PLCB4: variants seen among roughly 807,000 people sequenced by gnomAD.
The protein encoded by PLCB4 is phospholipase C beta 4.
In PLCB4, 77 loss-of-function variants were observed where a neutral mutation model predicts 178.8. The observed-to-expected ratio is 0.43, with a 90% CI of 0.36 to 0.52. The LOEUF (loss-of-function observed/expected upper bound fraction) is 0.52, where lower values mean the gene tolerates loss of function less well. PLCB4 is among the 20% of genes least tolerant of loss of function. The probability of loss-of-function intolerance (pLI) is 0.00; values close to 1 mark genes in which losing one functional copy is unlikely to be tolerated. For synonymous variants in PLCB4, 496 were observed against 490.8 expected, an observed-to-expected ratio of 1.01 and a Z score of -0.14; for missense variants, 1,024 against 1,453.4, an observed-to-expected ratio of 0.70 and a Z score of 4.80.
chr20:9,472,955 C>T, intron 37 of PLCB4, 108 bp downstream of exon 37: 5 of 639,446 alleles, frequency 7.8e-6, no homozygotes, highest in South Asian at 4.4e-5. Flanking sequence ...TTTTTCTGTA[C>T]ATTAAACATT....
intron 30 of PLCB4, among the ~76,000 whole-genome samples, chr20:9,441,328 G>C (rs1245573836): frequency 6.6e-6 from 1 of 152,152 alleles, no homozygotes; most frequent in Non-Finnish European, 1.5e-5. Flanking sequence ...CCTCTCCATG[G>C]ATTGGGGTGG....
chr20:9,305,962 G>A (rs1360293833), intron 3 of PLCB4, among the ~76,000 whole-genome samples: 5 of 152,042 alleles, frequency 3.3e-5, no homozygotes, highest in Admixed American at 3.3e-4. Context: ...GGTATATTTG[G>A]GGGTGTATAT....
chr20:9,176,788 A>G (rs1399232330), intron 2 of PLCB4, among the ~76,000 whole-genome samples: 1 of 152,180 alleles, frequency 6.6e-6, no homozygotes, highest in South Asian at 2.1e-4. Flanking sequence ...GCCATTACTG[A>G]CAGTCAAATA....
intron 3 of PLCB4, among the ~76,000 whole-genome samples, chr20:9,237,832 TA>T (rs2094010087): frequency 6.6e-6 from 1 of 152,038 alleles, no homozygotes; most frequent in African/African-American, 2.4e-5. Context: ...TAAAGGGAGT[TA>T]TAGTGGAATC....
chr20:9,384,354 A>G lies in PLCB4; in HGVS notation c.1007A>G (p.Gln336Arg). Reference protein sequence around the residue: ...SSHNTYLTGRQFGGKSSVEMY... With the variant: ...SSHNTYLTGRRFGGKSSVEMY... ...CATAACACTTATCTCACTGGCAGACAGTTCGGCGGGAAGTCTTCGGTAGAA... is the reference window on the plus strand; with the variant it reads ...CATAACACTTATCTCACTGGCAGACGGTTCGGCGGGAAGTCTTCGGTAGAA... The change falls in exon 14 of 40, where the codon CAG becomes CGG. Residue 336 changes from glutamine to arginine, a missense_variant. By Grantham distance (43) the Gln-to-Arg change is conservative. Around this residue, in one of 7 missense-constraint regions of PLCB4, gnomAD observed 263 missense variants for 417.4 expected, o/e 0.63. Transcript: ENST00000378473. The G allele has an allele frequency of 6.2e-7, 1 of 1,614,240 alleles. No homozygotes were observed. The highest frequency in any genetic ancestry group is 8.5e-7 in the Non-Finnish European group (1 of 1,180,028).
intron 1 of PLCB4, among the ~76,000 whole-genome samples, chr20:9,084,708 C>T (rs2090317568): frequency 6.6e-6 from 1 of 152,102 alleles, no homozygotes. Context: ...GGTTATAAAA[C>T]AGCAAACATA....
chr20:9,133,942 G>A (rs558818117), intron 2 of PLCB4, among the ~76,000 whole-genome samples: 215 of 152,358 alleles, frequency 1.4e-3, no homozygotes, highest in South Asian at 6.2e-3. Flanking sequence ...CATGCAAAGA[G>A]TGTGAAGACA....
chr20:9,294,756 C>T (rs2094614424), intron 3 of PLCB4, among the ~76,000 whole-genome samples: 1 of 152,212 alleles, frequency 6.6e-6, no homozygotes, highest in African/African-American at 2.4e-5. Context: ...TGGACCCCAC[C>T]AGCAGACTTT....
At chr20:9,422,994 A>T (rs144233143) in intron 27 of PLCB4, among the ~76,000 whole-genome samples, 27 of 152,246 alleles carry the variant, frequency 1.8e-4, no homozygotes, top group Non-Finnish European at 3.5e-4. Flanking sequence ...GGCATTCCTG[A>T]TTAAACACAT....
At chr20:9,221,028 C>T (rs1411957828) in intron 3 of PLCB4, among the ~76,000 whole-genome samples, 1 of 152,136 alleles carries the variant, frequency 6.6e-6, no homozygotes, top group African/African-American at 2.4e-5. Flanking sequence ...GTGAGATGAG[C>T]TCTCCAGAAG....
intron 6 of PLCB4, 99 bp downstream of exon 6, chr20:9,338,166 C>A: frequency 4.0e-6 from 3 of 758,224 alleles, no homozygotes; most frequent in Non-Finnish European, 7.0e-6. Context: ...TGTATCCAGG[C>A]TACTTAAAAC....
At chr20:9,153,311 A>G (rs2092722782) in intron 2 of PLCB4, among the ~76,000 whole-genome samples, 1 of 152,178 alleles carries the variant, frequency 6.6e-6, no homozygotes, top group African/African-American at 2.4e-5. Flanking sequence ...GTCCCCATCC[A>G]AAACTCAACT....
chr20:9,219,543 T>C (rs1000627051), intron 3 of PLCB4, among the ~76,000 whole-genome samples: 2 of 152,200 alleles, frequency 1.3e-5, no homozygotes, highest in Non-Finnish European at 2.9e-5. Flanking sequence ...GTACTCTCGT[T>C]CTCACCCAAT....
chr20:9,352,807 T>C (rs973648027), intron 7 of PLCB4, among the ~76,000 whole-genome samples: 3 of 152,220 alleles, frequency 2.0e-5, no homozygotes, highest in Admixed American at 1.3e-4. Context: ...TGTCTAGGAA[T>C]GTATAAATAT....
At chr20:9,306,571 C>G (rs1309119709) in intron 3 of PLCB4, among the ~76,000 whole-genome samples, 1 of 152,150 alleles carries the variant, frequency 6.6e-6, no homozygotes, top group African/African-American at 2.4e-5. Context: ...CTCTCTCTTC[C>G]CTCTGAAAAA....
chr20:9,472,870 G>T, intron 37 of PLCB4, 23 bp downstream of exon 37: 1 of 1,410,010 alleles, frequency 7.1e-7, no homozygotes, highest in Non-Finnish European at 9.9e-7. Context: ...TTATATTTTT[G>T]GCATTCTTCC....
At chr20:9,141,071 T>C (rs2092480363) in intron 2 of PLCB4, among the ~76,000 whole-genome samples, 1 of 152,106 alleles carries the variant, frequency 6.6e-6, no homozygotes, top group African/African-American at 2.4e-5. Context: ...TAGTTTGAAA[T>C]GTAGCAAGAG....
chr20:9,395,998 C>T (rs2038556061), intron 19 of PLCB4, among the ~76,000 whole-genome samples: 1 of 152,110 alleles, frequency 6.6e-6, no homozygotes, highest in African/African-American at 2.4e-5. Flanking sequence ...GTAAGAAAAC[C>T]AGGAATTTCT....
intron 32 of PLCB4, among the ~76,000 whole-genome samples, chr20:9,448,217 AT>A (rs1366835488): frequency 6.6e-6 from 1 of 152,142 alleles, no homozygotes; most frequent in Non-Finnish European, 1.5e-5. Flanking sequence ...CAGAGGTTTT[AT>A]CCTCTTGCCA....
Sources: gnomAD v4.1 joint callset for allele counts (sites outside exome capture counted in the v4.1 genomes callset) on GRCh38, gnomAD v4.1.1 for gene constraint, gnomAD v4.1.1 regional missense constraint, MANE v1.5 for transcripts, NCBI Gene and HGNC (gene_info 2026-07-23, HGNC 2026-07-21) for gene names.